MAP2: variants seen among roughly 807,000 people sequenced by gnomAD.
MAP2 encodes microtubule-associated protein 2.
A neutral mutation model predicts 137.6 loss-of-function variants in MAP2; 14 were observed. That is an observed-to-expected ratio of 0.10 (90% CI 0.07 to 0.16). MAP2 has a LOEUF of 0.16. Among genes scored for constraint, MAP2 ranks in the 10% least tolerant of loss-of-function variants. The probability of loss-of-function intolerance (pLI) is 1.00; values close to 1 mark genes in which losing one functional copy is unlikely to be tolerated. For missense variants in MAP2, 2,088 were observed against 2,191.5 expected, an observed-to-expected ratio of 0.95 and a Z score of 0.94; for synonymous variants, 786 against 782.3, an observed-to-expected ratio of 1.00 and a Z score of -0.08.
intron 2 of MAP2, among the ~76,000 whole-genome samples, chr2:209,512,528 A>G (rs1300715867): frequency 1.3e-5 from 2 of 151,458 alleles, no homozygotes; most frequent in Admixed American, 1.3e-4. Context: ...AAGCTTCAAA[A>G]TATATTAATG....
chr2:209,437,681 T>G (rs1043225984), intron 1 of MAP2, among the ~76,000 whole-genome samples: 1 of 151,536 alleles, frequency 6.6e-6, no homozygotes, highest in Non-Finnish European at 1.5e-5. Flanking sequence ...ACTTACTAAT[T>G]AGCTGTGACT....
intron 1 of MAP2, among the ~76,000 whole-genome samples, chr2:209,482,352 C>CA (rs1186155428): frequency 2.0e-5 from 3 of 152,250 alleles, no homozygotes; most frequent in East Asian, 1.9e-4. Flanking sequence ...TCACAGTCAT[C>CA]ATGAGAATTA....
intron 5 of MAP2, among the ~76,000 whole-genome samples, chr2:209,660,261 C>A (rs1182376613): frequency 6.6e-6 from 1 of 152,026 alleles, no homozygotes; most frequent in African/African-American, 2.4e-5. Context: ...TTTGCGTTGT[C>A]ACTTTTTCAG....
intron 1 of MAP2, among the ~76,000 whole-genome samples, chr2:209,459,442 A>G (rs929015230): frequency 6.6e-6 from 1 of 152,088 alleles, no homozygotes; most frequent in Admixed American, 6.5e-5. Context: ...CCCCCTTAAA[A>G]TCTACCCCTT....
At chr2:209,521,571 A>ATT (rs905016618) in intron 2 of MAP2, among the ~76,000 whole-genome samples, 2 of 151,186 alleles carry the variant, frequency 1.3e-5, no homozygotes, top group African/African-American at 4.9e-5. Context: ...AAAAAAAAAA[A>ATT]TTTTTTAGGT....
At chr2:209,680,850 G>A in intron 7 of MAP2, 23 bp downstream of exon 7, 1 of 1,601,740 alleles carries the variant, frequency 6.2e-7, no homozygotes, top group Non-Finnish European at 8.6e-7. Flanking sequence ...GGACTTTTCA[G>A]GGTTTGTCTT....
intron 1 of MAP2, among the ~76,000 whole-genome samples, chr2:209,453,904 A>G (rs545789216): frequency 1.3e-5 from 2 of 151,980 alleles, no homozygotes; most frequent in African/African-American, 4.8e-5. Context: ...GTAATCCCAG[A>G]ACTTTGGGAG....
At chr2:209,664,976 AAAAAAAAAAAAG>A (rs1455700528) in intron 5 of MAP2, among the ~76,000 whole-genome samples, 37 of 147,638 alleles carry the variant, frequency 2.5e-4, no homozygotes, top group Admixed American at 8.7e-4. Flanking sequence ...AAAAAAAAAA[AAAAAAAAAAAAG>A]AAGAAGAAGA....
At chr2:209,456,795 C>T (rs1053176567) in intron 1 of MAP2, among the ~76,000 whole-genome samples, 1 of 152,220 alleles carries the variant, frequency 6.6e-6, no homozygotes, top group Non-Finnish European at 1.5e-5. Context: ...ATATGAAACA[C>T]TTAGCTCACA....
intron 4 of MAP2, among the ~76,000 whole-genome samples, chr2:209,646,526 A>T (rs2094433748): frequency 6.6e-6 from 1 of 152,216 alleles, no homozygotes. Context: ...AAATATAAGA[A>T]AATCCTAATG....
chr2:209,638,894 T>G (rs1441266637), intron 4 of MAP2, among the ~76,000 whole-genome samples: 1 of 152,196 alleles, frequency 6.6e-6, no homozygotes, highest in South Asian at 2.1e-4. Flanking sequence ...CAATGATCAT[T>G]GAATAAGATA....
chr2:209,585,524 T>C (rs2077484576), intron 3 of MAP2, among the ~76,000 whole-genome samples: 1 of 152,150 alleles, frequency 6.6e-6, no homozygotes, highest in African/African-American at 2.4e-5. Flanking sequence ...TTTTGATGTA[T>C]TTTTTATCCT....
In MAP2 at chr2:209,693,249, C is replaced by T. The variant is rs571716983; in HGVS notation, c.1079C>T (p.Ala360Val). The T allele has an allele frequency of 6.2e-7, 1 of 1,614,050 alleles. No homozygotes were observed. The highest frequency in any genetic ancestry group is 1.7e-5 in the Admixed American group (1 of 59,994). ...TCTCTGCAACAAACCAGTGGCCCAG[C>T]TACTGCCAAAGATAGTTTTAAAATT... ...KKSLQQTSGP[A>V]TAKDSFKIEE... The change falls in exon 8 of 16, where the codon GCT (alanine) becomes GTT (valine). Residue 360 changes from alanine (A) to valine (V), a missense_variant. This residue lies in a region of MAP2 where 859 missense variants were observed against 794.5 expected (regional missense o/e 1.08). Transcript: ENST00000682079.
chr2:209,622,242 T>G (rs374647187), intron 3 of MAP2, among the ~76,000 whole-genome samples: 1 of 152,220 alleles, frequency 6.6e-6, no homozygotes, highest in South Asian at 2.1e-4. Context: ...AAGTACTTTG[T>G]AGGTAATTCT....
At chr2:209,458,122 G>A (rs1701968618) in intron 1 of MAP2, among the ~76,000 whole-genome samples, 1 of 151,986 alleles carries the variant, frequency 6.6e-6, no homozygotes, top group Admixed American at 6.6e-5. Flanking sequence ...TAAAATGCCA[G>A]AAATCCCATT....
chr2:209,644,794 T>G (rs1347837258), intron 4 of MAP2, among the ~76,000 whole-genome samples: 1 of 152,114 alleles, frequency 6.6e-6, no homozygotes, highest in Non-Finnish European at 1.5e-5. Context: ...AAATAACCCC[T>G]TTTAGACTTC....
intron 3 of MAP2, among the ~76,000 whole-genome samples, chr2:209,598,692 G>A (rs2082103400): frequency 1.3e-5 from 2 of 150,524 alleles, no homozygotes; most frequent in Non-Finnish European, 2.9e-5. Context: ...GTGAGAATAT[G>A]TGGTGTTTGG....
intron 2 of MAP2, among the ~76,000 whole-genome samples, chr2:209,536,339 A>G (rs189152240): frequency 1.3e-5 from 2 of 152,316 alleles, no homozygotes; most frequent in East Asian, 3.9e-4. Flanking sequence ...ATTTATCTCT[A>G]TGCTTCATTT....
At chr2:209,728,614 G>C (rs2074967555) in intron 14 of MAP2, among the ~76,000 whole-genome samples, 1 of 152,208 alleles carries the variant, frequency 6.6e-6, no homozygotes. Context: ...AATACCTCAT[G>C]GCTTAAGAGA....
Sources: gnomAD v4.1 joint callset for allele counts (sites outside exome capture counted in the v4.1 genomes callset) on GRCh38, gnomAD v4.1.1 for gene constraint, gnomAD v4.1.1 regional missense constraint, MANE v1.5 for transcripts, NCBI Gene and HGNC (gene_info 2026-07-23, HGNC 2026-07-21) for gene names.